The following DNM3 variants were observed in gnomAD, a reference collection of about 807,000 sequenced individuals.
DNM3 encodes the protein dynamin-3.
In DNM3, 47 loss-of-function variants were observed where a neutral mutation model predicts 101.6. The ratio of observed to expected loss-of-function variants is 0.46; its 90% CI spans 0.37 to 0.59. The LOEUF is 0.59. Ranked by LOEUF, DNM3 falls within the 20% of genes least tolerant of loss-of-function variation. The pLI is 0.00. For missense variants in DNM3, 849 were observed against 1,085.7 expected (o/e 0.78, Z 3.06); for synonymous variants, 385 against 387.9 (o/e 0.99, Z 0.09).
At chr1:172,278,870 G>A (rs939881780) in intron 15 of DNM3, among the ~76,000 whole-genome samples, 5 of 152,202 alleles carry the variant, frequency 3.3e-5, no homozygotes, top group Admixed American at 1.3e-4. Flanking sequence ...TCTTTCTCTG[G>A]TAGTTTCTAT....
intron 14 of DNM3, among the ~76,000 whole-genome samples, chr1:172,150,824 A>G (rs1372460292): frequency 6.6e-6 from 1 of 152,230 alleles, no homozygotes; most frequent in Non-Finnish European, 1.5e-5. Context: ...GCTAAGCTTT[A>G]TGCAGGTAGG....
chr1:172,074,962 T>A (rs530339766), intron 11 of DNM3, among the ~76,000 whole-genome samples: 16 of 152,322 alleles, frequency 1.1e-4, no homozygotes, highest in African/African-American at 3.8e-4. Context: ...TTTCTCCACA[T>A]CCTCTCCAGC....
At chr1:171,878,309 GTA>G (rs1327877320) in intron 1 of DNM3, among the ~76,000 whole-genome samples, 3 of 151,450 alleles carry the variant, frequency 2.0e-5, no homozygotes, top group Non-Finnish European at 4.4e-5. Context: ...CTATTCTGTT[GTA>G]TCTCTCCATG....
At position 172,165,317 on chromosome 1, in the gene DNM3, A is replaced by AT. The variant is rs1288502748; in HGVS notation, c.1659+34029_1659+34030insT. On this transcript the variant is annotated intron_variant, in intron 14 of 20. Coordinates refer to ENST00000627582, the MANE Select transcript of DNM3 (RefSeq NM_015569.5). ...TGACAATCTCTTTCAGGGGAAAAAA[A>AT]GGTGAGAGTAACAGAGTAAAGATAT... 2.6e-5 allele frequency among the ~76,000 whole-genome samples: 4 copies of AT among 152,104 alleles called. No homozygotes were observed. In the East Asian group the frequency reaches 7.7e-4, roughly 29 times the overall value.
At chr1:172,399,024 A>G (rs563209267) in intron 20 of DNM3, among the ~76,000 whole-genome samples, 2 of 152,334 alleles carry the variant, frequency 1.3e-5, no homozygotes, top group South Asian at 4.1e-4. Flanking sequence ...CCAAAATGGA[A>G]AGGCTTACCC....
chr1:171,985,132 G>A (rs1309161167), intron 2 of DNM3, among the ~76,000 whole-genome samples: 6 of 152,126 alleles, frequency 3.9e-5, no homozygotes, highest in Non-Finnish European at 8.8e-5. Flanking sequence ...GATTGAAAAT[G>A]TAGTTCCTGA....
At chr1:172,380,568 G>A (rs2068840682) in intron 18 of DNM3, among the ~76,000 whole-genome samples, 1 of 151,966 alleles carries the variant, frequency 6.6e-6, no homozygotes, top group South Asian at 2.1e-4. Context: ...TTTGACCAAT[G>A]GCTTTCTGTG....
intron 14 of DNM3, among the ~76,000 whole-genome samples, chr1:172,238,911 C>T (rs977029787): frequency 6.6e-6 from 1 of 152,074 alleles, no homozygotes; most frequent in African/African-American, 2.4e-5. Context: ...GAAGAACATT[C>T]TGCCACAAAA....
chr1:172,159,798 A>G (rs893819275), intron 14 of DNM3, among the ~76,000 whole-genome samples: 3 of 152,120 alleles, frequency 2.0e-5, no homozygotes, highest in African/African-American at 7.2e-5. Flanking sequence ...GTCATGCATC[A>G]CTTAACAATG....
chr1:172,378,818 G>A (rs981376849), intron 17 of DNM3, among the ~76,000 whole-genome samples, 200 bp from the exon 18 acceptor site: 17 of 151,980 alleles, frequency 1.1e-4, no homozygotes, highest in African/African-American at 1.9e-4. Flanking sequence ...CTAGAATGTG[G>A]CAGGCTAAAA....
intron 9 of DNM3, among the ~76,000 whole-genome samples, chr1:172,046,522 T>A (rs993347106): frequency 4.0e-5 from 6 of 151,684 alleles, no homozygotes; most frequent in Admixed American, 2.6e-4. Flanking sequence ...AACCTGCACA[T>A]TGTGCACATG....
intron 1 of DNM3, among the ~76,000 whole-genome samples, chr1:171,881,542 G>A (rs2036267418): frequency 6.6e-6 from 1 of 152,172 alleles, no homozygotes; most frequent in South Asian, 2.1e-4. Flanking sequence ...GATCATAGGG[G>A]TCTCCAGGCA....
chr1:172,038,323 T>C lies in DNM3; in HGVS notation c.854T>C (p.Leu285Pro). 6.2e-7 allele frequency: 1 copy of C among 1,613,270 alleles called. No homozygotes were observed. The highest frequency in any genetic ancestry group is 8.5e-7 in the Non-Finnish European group (1 of 1,179,466). Residue 285 changes from leucine (L) to proline (P), a missense_variant, in exon 7 of 21, where the codon CTT (leucine) becomes CCT (proline). By Grantham distance (98) the Leu-to-Pro change is moderately conservative. Coordinates refer to ENST00000627582, the MANE Select transcript of DNM3 (RefSeq NM_015569.5). ...GTATCATTTTGTTTTGTTTAGCAAC[T>C]TACCAACCACATTCGGGATACCCTA... ...PHLQKVLNQQ[L>P]TNHIRDTLPN...
At chr1:171,944,404 C>T (rs2042020150) in intron 2 of DNM3, among the ~76,000 whole-genome samples, 1 of 151,580 alleles carries the variant, frequency 6.6e-6, no homozygotes, top group South Asian at 2.1e-4. Flanking sequence ...TAGATGGGGT[C>T]TCACTCTGTC....
At chr1:172,064,956 G>T (rs1224309603) in intron 10 of DNM3, among the ~76,000 whole-genome samples, 1 of 152,136 alleles carries the variant, frequency 6.6e-6, no homozygotes, top group African/African-American at 2.4e-5. Flanking sequence ...GTACAAAATT[G>T]TGGCTCTTAC....
chr1:172,098,965 T>C (rs4244191), intron 13 of DNM3, among the ~76,000 whole-genome samples: 141,518 of 152,282 alleles, frequency 0.93, 65,844 homozygotes, highest in Non-Finnish European at 0.95. Context: ...GGTCCAGTGA[T>C]AGCACGAATT....
intron 4 of DNM3, among the ~76,000 whole-genome samples, chr1:172,002,079 T>C (rs1006092591): frequency 2.0e-5 from 3 of 152,064 alleles, no homozygotes; most frequent in Non-Finnish European, 4.4e-5. Flanking sequence ...TTCCAGGTAC[T>C]ATATCTGTCT....
At chr1:171,856,838 A>G (rs960859411) in intron 1 of DNM3, among the ~76,000 whole-genome samples, 1 of 152,160 alleles carries the variant, frequency 6.6e-6, no homozygotes, top group African/African-American at 2.4e-5. Context: ...ATTTCTTTCT[A>G]TTTGGATGCC....
chr1:172,307,279 C>T (rs1466028410), intron 15 of DNM3, among the ~76,000 whole-genome samples: 2 of 151,352 alleles, frequency 1.3e-5, no homozygotes, highest in Non-Finnish European at 2.9e-5. Context: ...AAAAAATGCT[C>T]ATCATCACTG....
Sources: allele counts gnomAD v4.1 joint callset (sites outside exome capture counted in the v4.1 genomes callset), GRCh38; gene constraint gnomAD v4.1.1; transcripts MANE v1.5; gene names NCBI Gene and HGNC (gene_info 2026-07-23, HGNC 2026-07-21).